The following WHRN variants were observed in gnomAD, a reference collection of about 807,000 sequenced individuals.
WHRN encodes the protein CASK-interacting protein CIP98.
Under a neutral mutation model 68.3 loss-of-function variants are expected in WHRN, and 41 were observed. That is an observed-to-expected ratio of 0.60 (90% CI 0.47 to 0.78). The LOEUF (loss-of-function observed/expected upper bound fraction) is 0.78, where lower values mean the gene tolerates loss of function less well. Ranked by LOEUF, WHRN falls within the 30% of genes least tolerant of loss-of-function variation. The pLI, the probability that WHRN is intolerant of heterozygous loss-of-function variation, is 0.00. For synonymous variants in WHRN, 560 were observed against 561.3 expected, an observed-to-expected ratio of 1.00 and a Z score of 0.03; for missense variants, 1,243 against 1,244.7, an observed-to-expected ratio of 1.00 and a Z score of 0.02.
intron 1 of WHRN, among the ~76,000 whole-genome samples, chr9:114,486,811 A>G (rs1842504005): frequency 3.2e-5 from 3 of 94,178 alleles, no homozygotes; most frequent in Non-Finnish European, 6.0e-5. Context: ...CCAGCTTCCC[A>G]GGCAAAAAAA....
At position 114,406,941 on chromosome 9, in the gene WHRN, TG is replaced by T. The variant is rs755846158; in HGVS notation, c.1699-50del. 6.5e-6 allele frequency: 10 copies of T among 1,547,964 alleles called. No homozygotes were observed. The East Asian group carries it at 1.5e-4, about 23-fold the overall frequency. ...AGAAGGAGTCAGACCCCATCACGCC[TG>T]GAAGAGGGGAGGCCGAGCAGCTGAG... On this transcript the variant is annotated intron_variant, in intron 8 of 11. Coordinates refer to ENST00000362057, the MANE Select transcript of WHRN (RefSeq NM_015404.4).
chr9:114,410,273 C>A (rs1304871002), intron 7 of WHRN, among the ~76,000 whole-genome samples: 1 of 152,200 alleles, frequency 6.6e-6, no homozygotes, highest in African/African-American at 2.4e-5. Flanking sequence ...AGGATATAAA[C>A]TCTGAGAAGG....
intron 6 of WHRN, among the ~76,000 whole-genome samples, chr9:114,424,061 G>C (rs1005295990): frequency 1.1e-4 from 16 of 152,186 alleles, no homozygotes; most frequent in Admixed American, 6.5e-5. Context: ...AATGGGGCCC[G>C]AGCACTGCTT....
At chr9:114,475,455 C>T (rs997628874) in intron 2 of WHRN, among the ~76,000 whole-genome samples, 2 of 152,156 alleles carry the variant, frequency 1.3e-5, no homozygotes, top group African/African-American at 2.4e-5. Flanking sequence ...TTCAGCCTCA[C>T]GGGACAGGTC....
At chr9:114,405,551 C>A (rs1834965875) in intron 9 of WHRN, among the ~76,000 whole-genome samples, 1 of 152,214 alleles carries the variant, frequency 6.6e-6, no homozygotes, top group African/African-American at 2.4e-5. Context: ...ATTATCCCTG[C>A]ATGTCCAGCT....
In WHRN at chr9:114,478,373, A is replaced by G. The variant is rs1433959141; in HGVS notation, c.837+180T>C. 5.4e-6 allele frequency: 4 copies of G among 737,054 alleles called. No homozygotes were observed. The Admixed American group carries it at 6.0e-5, about 11-fold the overall frequency. 45.7% of individuals were successfully genotyped at this position (737,054 alleles called of 1,614,324 possible). A position where few individuals can be genotyped will look rare whatever the true frequency, so the allele number is the denominator to read the frequency against. On this transcript the variant is annotated intron_variant, in intron 2 of 11. Coordinates refer to ENST00000362057, the MANE Select transcript of WHRN (RefSeq NM_015404.4). ...CAGCTTAGCCTGTATTATAACATAC[A>G]CTACACAGGTCAAAAAGAAAAGCAA... is the stretch of plus-strand genomic sequence containing the variant.
chr9:114,492,534 T>C lies in WHRN; in HGVS notation c.618+11650A>G, dbSNP rs561103593. On this transcript the variant is annotated intron_variant, in intron 1 of 11. Coordinates refer to ENST00000362057, the MANE Select transcript of WHRN (RefSeq NM_015404.4). ...ATAGGCTAGATAACGATGCTCAGAA[T>C]GGCAGCTTTGGGAAGAATTCCCAAT... Among the ~76,000 whole-genome samples, 6 of 152,328 alleles carry C rather than the reference T, an allele frequency of 3.9e-5. No homozygotes were observed. The East Asian group carries it at 9.6e-4, about 24-fold the overall frequency.
At chr9:114,499,788 G>T (rs1021048567) in intron 1 of WHRN, among the ~76,000 whole-genome samples, 2 of 152,188 alleles carry the variant, frequency 1.3e-5, no homozygotes, top group African/African-American at 4.8e-5. Flanking sequence ...AATTGGTCGG[G>T]GGGTTAAAGA....
At chr9:114,415,249 T>C (rs1835730393) in intron 7 of WHRN, among the ~76,000 whole-genome samples, 1 of 150,530 alleles carries the variant, frequency 6.6e-6, no homozygotes, top group South Asian at 2.1e-4. Flanking sequence ...TGTAGTGAGC[T>C]ACCCCAACAG....
At chr9:114,504,032 G>A in intron 1 of WHRN, 152 bp downstream of exon 1, 1 of 1,204,340 alleles carries the variant, frequency 8.3e-7, no homozygotes, top group Non-Finnish European at 1.1e-6. Context: ...TGCTCTGTAA[G>A]CTATACATTC....
intron 9 of WHRN, among the ~76,000 whole-genome samples, chr9:114,405,969 T>A (rs1460332024): frequency 6.6e-6 from 1 of 152,156 alleles, no homozygotes; most frequent in African/African-American, 2.4e-5. Flanking sequence ...GTTTCCAGCA[T>A]CTACTCCAGG....
At chr9:114,442,793 G>C (rs764738218) in intron 3 of WHRN, among the ~76,000 whole-genome samples, 1 of 152,078 alleles carries the variant, frequency 6.6e-6, no homozygotes, top group African/African-American at 2.4e-5. Flanking sequence ...TTGCTGGCAC[G>C]GCCTGCAGAA....
chr9:114,460,678 C>T (rs968261602), intron 3 of WHRN, among the ~76,000 whole-genome samples: 3 of 152,150 alleles, frequency 2.0e-5, no homozygotes, highest in Admixed American at 6.5e-5. Context: ...CCTGACCCCC[C>T]AAGTGCTTCT....
At chr9:114,417,850 G>A (rs1835929905) in intron 7 of WHRN, among the ~76,000 whole-genome samples, 1 of 152,190 alleles carries the variant, frequency 6.6e-6, no homozygotes, top group Non-Finnish European at 1.5e-5. Context: ...TCCTTGCTGT[G>A]CCTCCCCCAA....
At chr9:114,449,451 G>C (rs1839119108) in intron 3 of WHRN, among the ~76,000 whole-genome samples, 1 of 152,262 alleles carries the variant, frequency 6.6e-6, no homozygotes, top group Admixed American at 6.5e-5. Flanking sequence ...GGCGTGCCCA[G>C]AGAAATTAAG....
At chr9:114,478,844 C>T in intron 1 of WHRN, 73 bp from the exon 2 acceptor site, 1 of 1,477,404 alleles carries the variant, frequency 6.8e-7, no homozygotes, top group South Asian at 1.2e-5. Context: ...TCCCCTGGCC[C>T]AGACCTTGGT....
chr9:114,465,708 A>C (rs889408762), intron 3 of WHRN, among the ~76,000 whole-genome samples: 14 of 152,192 alleles, frequency 9.2e-5, no homozygotes, highest in African/African-American at 3.4e-4. Flanking sequence ...GCAACCCACC[A>C]GTTGTGTGGC....
chr9:114,454,802 C>T (rs1331231883), intron 3 of WHRN, among the ~76,000 whole-genome samples: 1 of 152,110 alleles, frequency 6.6e-6, no homozygotes, highest in Non-Finnish European at 1.5e-5. Context: ...CTGTACCCAA[C>T]TTCCAGACTT....
In WHRN at chr9:114,478,382, G is replaced by A. The variant is rs769293646; in HGVS notation, c.837+171C>T. The A allele has an allele frequency of 8.1e-5, 61 of 757,240 alleles. No homozygotes were observed. The East Asian group carries it at 1.1e-3, about 14-fold the overall frequency. The allele number at this position is 757,240 out of a possible 1,614,324, so 46.9% of individuals were successfully genotyped here. A position where few individuals can be genotyped will look rare whatever the true frequency, so the allele number is the denominator to read the frequency against. ...CTGTATTATAACATACACTACACAG[G>A]TCAAAAAGAAAAGCAAAGAAAAAAC... On this transcript the variant is annotated intron_variant, in intron 2 of 11. Transcript: ENST00000362057.
Sources: allele counts gnomAD v4.1 joint callset (sites outside exome capture counted in the v4.1 genomes callset), GRCh38; gene constraint gnomAD v4.1.1; transcripts MANE v1.5; gene names NCBI Gene and HGNC (gene_info 2026-07-23, HGNC 2026-07-21).